Variants in CREB3L3 observed in about 807,000 individuals in gnomAD.
CREB3L3 encodes cyclic AMP-responsive element-binding protein 3-like protein 3.
In CREB3L3, 40 loss-of-function variants were observed where a neutral mutation model predicts 44.6. The ratio of observed to expected loss-of-function variants is 0.90; its 90% CI spans 0.70 to 1.17. The LOEUF is 1.17. Ranked by LOEUF, CREB3L3 falls within the 50% of genes most tolerant of loss-of-function variation. The pLI is 0.00. For missense variants in CREB3L3, 578 were observed against 595.8 expected, an observed-to-expected ratio of 0.97 and a Z score of 0.31; for synonymous variants, 273 against 256.3, an observed-to-expected ratio of 1.06 and a Z score of -0.62.
chr19:4,154,228 C>T (rs1185374170), intron 1 of CREB3L3, among the ~76,000 whole-genome samples: 10 of 152,086 alleles, frequency 6.6e-5, no homozygotes, highest in South Asian at 2.1e-4. Flanking sequence ...TGCACCACCA[C>T]GCCCGGCTAA....
intron 2 of CREB3L3, 39 bp from the exon 3 acceptor site, chr19:4,156,956 C>T: frequency 1.9e-6 from 3 of 1,606,084 alleles, no homozygotes; most frequent in Non-Finnish European, 2.6e-6. Flanking sequence ...AAAGAGTGAG[C>T]ACTTCCTAAT....
intron 5 of CREB3L3, among the ~76,000 whole-genome samples, chr19:4,166,845 A>G (rs1337422790): frequency 6.6e-6 from 1 of 151,998 alleles, no homozygotes; most frequent in Non-Finnish European, 1.5e-5. Flanking sequence ...CAGCCTCCCA[A>G]GTAGCTGGGA....
intron 4 of CREB3L3, among the ~76,000 whole-genome samples, chr19:4,160,517 G>A (rs191151036): frequency 7.7e-4 from 113 of 147,288 alleles, no homozygotes; most frequent in South Asian, 3.1e-3. Flanking sequence ...GACTACAGGC[G>A]TGCACCACCA....
At chr19:4,157,325 C>CCT in intron 3 of CREB3L3, 30 bp downstream of exon 3, 1 of 1,611,950 alleles carries the variant, frequency 6.2e-7, no homozygotes. Context: ...TGCCCACCGC[C>CCT]CTCACCTTGT....
At position 4,153,706 on chromosome 19, in the gene CREB3L3, A is replaced by G. The variant is rs1468447747; in HGVS notation, c.-42A>G. On this transcript the variant is annotated 5_prime_UTR_variant, in exon 1 of 10. Coordinates refer to ENST00000078445, the MANE Select transcript of CREB3L3 (RefSeq NM_032607.3). ...GGTGGGTGGGCCTCCAGCTTGGAGC[A>G]GAGACCCCCCGAGGCATCTGCAGAC... 2.5e-6 allele frequency: 4 copies of G among 1,613,226 alleles called. No homozygotes were observed. The highest frequency in any genetic ancestry group is 1.3e-5 in the African/African-American group (1 of 74,924).
rs35474881 is a variant in CREB3L3 at position 4,154,913 on chromosome 19, C to T, written c.42C>T (p.Ala14=). 195,371 of 1,613,798 alleles carry T rather than the reference C, an allele frequency of 0.12. 12,482 individuals are homozygous for T. Among genetic ancestry groups the T allele is most frequent in the Middle Eastern group, 0.15 (907 of 6,060 alleles). The change falls in exon 2 of 10, where the codon GCC becomes GCT. Residue 14 remains alanine, a synonymous_variant. Transcript: ENST00000078445. ...TCGCGCCCCAGATGGCTTCTGCTGCCTGCTCCATGGACCCCATCGACAGCT... is the reference window on the plus strand; with the variant it reads ...TCGCGCCCCAGATGGCTTCTGCTGCTTGCTCCATGGACCCCATCGACAGCT... The part of the protein sequence containing the change: ...DLAAGKMASA[A]CSMDPIDSFE...
chr19:4,164,740 T>G, intron 5 of CREB3L3, 100 bp downstream of exon 5: 2 of 1,375,050 alleles, frequency 1.5e-6, no homozygotes, highest in Non-Finnish European at 2.0e-6. Context: ...GTAGAGTCTT[T>G]CTCTGTCACT....
At position 4,171,741 on chromosome 19, in the gene CREB3L3, C is replaced by T. The variant is rs371248910; in HGVS notation, c.1158C>T (p.Pro386=). 1.3e-5 allele frequency: 21 copies of T among 1,613,144 alleles called. No individual in the cohort carries two copies. The highest frequency in any genetic ancestry group is 6.7e-5 in the African/African-American group (5 of 74,900). ...VPGSEAPGPR[P]EADTTREESP... ...GCTCCGAGGCCCCAGGACCCCGACC[C>T]GAGGCTGACACAACCCGAGAAGAGT... is the stretch of plus-strand genomic sequence containing the variant. Residue 386 remains proline, a synonymous_variant, in exon 10 of 10, where the codon CCC becomes CCT. Transcript: ENST00000078445. The surrounding 1 kb of genome is among the most constrained non-coding windows in gnomAD (Gnocchi z 4.9).
intron 5 of CREB3L3, among the ~76,000 whole-genome samples, chr19:4,166,058 A>G (rs939678749): frequency 3.3e-5 from 5 of 151,184 alleles, no homozygotes; most frequent in Admixed American, 2.6e-4. Flanking sequence ...TGCACTCAGT[A>G]TCAATGCCTG....
At chr19:4,157,816 G>T (rs2041605764) in intron 3 of CREB3L3, among the ~76,000 whole-genome samples, 1 of 152,218 alleles carries the variant, frequency 6.6e-6, no homozygotes, top group Non-Finnish European at 1.5e-5. Flanking sequence ...CTCCTGAGTA[G>T]CTGGGATCAC....
chr19:4,171,637 GC>G lies in CREB3L3; in HGVS notation c.1073-13del, dbSNP rs748512568. On this transcript the variant is annotated intron_variant, in intron 9 of 9. Coordinates refer to ENST00000078445, the MANE Select transcript of CREB3L3 (RefSeq NM_032607.3). This position sits in a 1 kb window ranked among gnomAD's most constrained non-coding sequence, Gnocchi z 4.9. Reference sequence around the variant, plus strand: ...CCACCTCCACCTTGTCCCCTGTGATGCCCCCCTTCCCCAATCAGTGTTCTCC... The same window carrying G: ...CCACCTCCACCTTGTCCCCTGTGATGCCCCCTTCCCCAATCAGTGTTCTCC... The G allele has an allele frequency of 1.9e-6, 3 of 1,612,990 alleles. No individual in the cohort carries two copies. The highest frequency in any genetic ancestry group is 1.3e-5 in the African/African-American group (1 of 74,986).
chr19:4,170,037 T>G lies in CREB3L3; in HGVS notation c.822-103T>G, dbSNP rs1376584748. ...GATGAATGACTTCCCCTCTCTGGCC[T>G]TGGGTTCTCTTGGCTTGTAACGTGA... On this transcript the variant is annotated intron_variant, in intron 6 of 9. Coordinates refer to ENST00000078445, the MANE Select transcript of CREB3L3 (RefSeq NM_032607.3). 4.5e-6 allele frequency: 5 copies of G among 1,115,896 alleles called. No individual in the cohort carries two copies. In the African/African-American group the frequency reaches 7.7e-5, roughly 17 times the overall value. The allele number at this position is 1,115,896 out of a possible 1,614,324, so 69.1% of individuals were successfully genotyped here. A position where few individuals can be genotyped will look rare whatever the true frequency, so the allele number is the denominator to read the frequency against.
rs758560828 is a variant in CREB3L3, at chr19:4,157,031, A to C, written c.193A>C (p.Ser65Arg). 1.2e-6 allele frequency: 2 copies of C among 1,613,786 alleles called. No individual in the cohort carries two copies. The highest frequency in any genetic ancestry group is 4.5e-5 in the East Asian group (2 of 44,858). ...LPNPDSDDFL[S>R]SILGSGDSLP... ...AAACCCCGACTCTGACGACTTCCTC[A>C]GCTCCATCCTGGGCTCTGGAGACTC... Residue 65 changes from serine to arginine, a missense_variant, in exon 3 of 10, where the codon AGC becomes CGC. Transcript: ENST00000078445.
Position 4,172,907 on chromosome 19 carries a change from C to G in CREB3L3, c.*938C>G, listed in dbSNP as rs1967090024. Reference sequence around the variant, plus strand: ...CGCCCAGGGACCCCTCCCGGCCTCCCTCGCACACTGGGAGGAGGAAGCCGC... The same window carrying G: ...CGCCCAGGGACCCCTCCCGGCCTCCGTCGCACACTGGGAGGAGGAAGCCGC... On this transcript the variant is annotated 3_prime_UTR_variant, in exon 10 of 10. Transcript: ENST00000078445. 1 of 153,764 alleles carries G rather than the reference C, an allele frequency of 6.5e-6. No individual in the cohort carries two copies. Among genetic ancestry groups the G allele is most frequent in the Admixed American group, 6.5e-5 (1 of 15,328 alleles). 9.5% of individuals were successfully genotyped at this position (153,764 alleles called of 1,614,324 possible).
intron 5 of CREB3L3, among the ~76,000 whole-genome samples, chr19:4,164,993 G>A (rs1249163980): frequency 6.6e-6 from 1 of 152,120 alleles, no homozygotes; most frequent in Non-Finnish European, 1.5e-5. Flanking sequence ...CCAGGCGTGA[G>A]CCACCGCACT....
intron 2 of CREB3L3, among the ~76,000 whole-genome samples, chr19:4,156,126 TC>T (rs2041572007): frequency 8.1e-6 from 1 of 123,832 alleles, no homozygotes. Flanking sequence ...TCTCCCCCCC[TC>T]TCTCTCTGTC....
chr19:4,171,646 C>T lies in CREB3L3; in HGVS notation c.1073-10C>T. On this transcript the variant is annotated splice_polypyrimidine_tract_variant and intron_variant, in intron 9 of 9. Coordinates refer to ENST00000078445, the MANE Select transcript of CREB3L3 (RefSeq NM_032607.3). The surrounding 1 kb of genome is among the most constrained non-coding windows in gnomAD (Gnocchi z 4.9). The stretch of plus-strand genomic sequence containing the variant: ...CCTTGTCCCCTGTGATGCCCCCCTT[C>T]CCCAATCAGTGTTCTCCAGAACTTT... 1.2e-6 allele frequency: 2 copies of T among 1,613,274 alleles called. No homozygotes were observed. Among genetic ancestry groups the T allele is most frequent in the Non-Finnish European group, 1.7e-6 (2 of 1,179,880 alleles).
chr19:4,164,369 A>T, intron 4 of CREB3L3, 134 bp from the exon 5 acceptor site: 1 of 1,069,234 alleles, frequency 9.4e-7, no homozygotes, highest in Non-Finnish European at 1.4e-6. Context: ...CAGCCTCTCT[A>T]AGTGCTGGGA....
At chr19:4,167,408 AG>A (rs1489867295) in intron 5 of CREB3L3, among the ~76,000 whole-genome samples, 1 of 149,796 alleles carries the variant, frequency 6.7e-6, no homozygotes, top group East Asian at 2.0e-4. Flanking sequence ...AAAGAAAGAA[AG>A]GAAAAGAAAG....
Sources: allele counts gnomAD v4.1 joint callset (sites outside exome capture counted in the v4.1 genomes callset), GRCh38; gene constraint gnomAD v4.1.1; non-coding constraint Gnocchi (gnomAD v3.1); transcripts MANE v1.5; gene names NCBI Gene and HGNC (gene_info 2026-07-23, HGNC 2026-07-21).